DNAH9: variants seen among roughly 807,000 people sequenced by gnomAD.
DNAH9 encodes dynein axonemal heavy chain 9, also known as DNAH9 variant protein.
Under a neutral mutation model 471.6 loss-of-function variants are expected in DNAH9, and 345 were observed. The ratio of observed to expected loss-of-function variants is 0.73; its 90% CI spans 0.67 to 0.80. The LOEUF (loss-of-function observed/expected upper bound fraction) is 0.80, where lower values mean the gene tolerates loss of function less well. Ranked by LOEUF, DNAH9 falls within the 30% of genes least tolerant of loss-of-function variation. DNAH9 has a pLI of 0.00. For synonymous variants in DNAH9, 2,093 were observed against 2,123.6 expected, an observed-to-expected ratio of 0.99 and a Z score of 0.40; for missense variants, 5,407 against 5,609.2, an observed-to-expected ratio of 0.96 and a Z score of 1.15.
At chr17:11,599,662 A>G (rs901623260) in intron 1 of DNAH9, among the ~76,000 whole-genome samples, 2 of 152,064 alleles carry the variant, frequency 1.3e-5, no homozygotes, top group South Asian at 2.1e-4. Flanking sequence ...GATTTCAGGG[A>G]AGTGCTCCAG....
intron 66 of DNAH9, 96 bp from the exon 67 acceptor site, chr17:11,942,207 G>T: frequency 6.7e-7 from 1 of 1,488,228 alleles, no homozygotes; most frequent in East Asian, 2.3e-5. Flanking sequence ...AGCAGACGAT[G>T]GGTGATTGGC....
Position 11,759,932 on chromosome 17 carries a change from C to T in DNAH9, c.6995+2240C>T, listed in dbSNP as rs138394535. ...TGATCTCTTGACCTTGTGATGTGGCCGCCTCGGCCTCCCAAAGTGCTGGGA... is the reference window on the plus strand; with the variant it reads ...TGATCTCTTGACCTTGTGATGTGGCTGCCTCGGCCTCCCAAAGTGCTGGGA... On this transcript the variant is annotated intron_variant, in intron 35 of 68. Coordinates refer to ENST00000262442, the MANE Select transcript of DNAH9 (RefSeq NM_001372.4). Among the ~76,000 whole-genome samples the T allele has an allele frequency of 3.4e-3, 522 of 152,116 alleles. 2 individuals carry two copies. The highest frequency in any genetic ancestry group is 0.011 in the African/African-American group (476 of 41,468).
At chr17:11,968,625 T>C (rs1976935269) in intron 68 of DNAH9, among the ~76,000 whole-genome samples, 1 of 152,340 alleles carries the variant, frequency 6.6e-6, no homozygotes, top group African/African-American at 2.4e-5. Context: ...AAACGTCAAG[T>C]CCAGAATATG....
chr17:11,665,824 T>C (rs1597453209), intron 15 of DNAH9, among the ~76,000 whole-genome samples: 1 of 152,162 alleles, frequency 6.6e-6, no homozygotes, highest in Non-Finnish European at 1.5e-5. Context: ...TGAAATGAAA[T>C]ACTGATGTAA....
intron 60 of DNAH9, among the ~76,000 whole-genome samples, chr17:11,904,063 A>T (rs912820522): frequency 3.9e-5 from 6 of 152,210 alleles, no homozygotes; most frequent in Admixed American, 3.9e-4. Flanking sequence ...AGATGTTCCC[A>T]TTTGTGTGTC....
intron 27 of DNAH9, among the ~76,000 whole-genome samples, chr17:11,719,915 G>A (rs961312010): frequency 6.6e-6 from 1 of 152,080 alleles, no homozygotes; most frequent in Non-Finnish European, 1.5e-5. Context: ...TGACGTATTT[G>A]TGCTCTTCTG....
In DNAH9 at chr17:11,875,100, T is replaced by C. The variant is rs752639721; in HGVS notation, c.10394T>C (p.Met3465Thr). The change falls in exon 53 of 69, where the codon ATG becomes ACG. Residue 3465 changes from methionine (M) to threonine (T), a missense_variant. Around this residue, in one of 3 missense-constraint regions of DNAH9, gnomAD observed 4,636 missense variants for 4,900.3 expected, o/e 0.95. Transcript: ENST00000262442. ...ATCAACTGTGAGCGCTGGCCACTCA[T>C]GGTTGACCCTCAGCTACAAGGCATC... Reference protein sequence around the residue: ...ILINCERWPLMVDPQLQGIKW... With the variant: ...ILINCERWPLTVDPQLQGIKW... The C allele has an allele frequency of 5.0e-6, 8 of 1,614,072 alleles. No homozygotes were observed. In the African/African-American group the frequency reaches 1.1e-4, roughly 22 times the overall value.
chr17:11,916,654 G>A (rs1221813940), intron 61 of DNAH9, among the ~76,000 whole-genome samples: 1 of 152,198 alleles, frequency 6.6e-6, no homozygotes, highest in Non-Finnish European at 1.5e-5. Context: ...GTATCACACA[G>A]TTCACTGTCT....
At chr17:11,934,582 A>G (rs1463270561) in intron 65 of DNAH9, among the ~76,000 whole-genome samples, 1 of 151,222 alleles carries the variant, frequency 6.6e-6, no homozygotes, top group African/African-American at 2.4e-5. Flanking sequence ...AGTAGCTGGG[A>G]CTACAGGCGC....
At chr17:11,743,230 C>G (rs146604507) in intron 30 of DNAH9, among the ~76,000 whole-genome samples, 1 of 152,118 alleles carries the variant, frequency 6.6e-6, no homozygotes, top group Non-Finnish European at 1.5e-5. Context: ...TGGGAGTTAC[C>G]CTGGACCATT....
chr17:11,958,397 C>T (rs745580711), intron 67 of DNAH9, among the ~76,000 whole-genome samples: 3 of 152,048 alleles, frequency 2.0e-5, no homozygotes, highest in Non-Finnish European at 4.4e-5. Context: ...AATACTGTAA[C>T]GGTGGATACA....
intron 67 of DNAH9, 39 bp downstream of exon 67, chr17:11,942,524 A>G (rs555161011): frequency 6.3e-7 from 1 of 1,584,708 alleles, no homozygotes; most frequent in Admixed American, 1.7e-5. Context: ...GGACATTGCT[A>G]GAGGACACAG....
intron 62 of DNAH9, among the ~76,000 whole-genome samples, chr17:11,928,816 A>C (rs577021797): frequency 1.8e-4 from 28 of 152,304 alleles, no homozygotes. Flanking sequence ...TTCAAATGTT[A>C]ACGTATGTAC....
intron 28 of DNAH9, among the ~76,000 whole-genome samples, chr17:11,735,095 G>A (rs567853505): frequency 3.2e-4 from 48 of 152,350 alleles, no homozygotes; most frequent in African/African-American, 6.5e-4. Context: ...GACACGTGGT[G>A]TGGGATGGAG....
chr17:11,875,162 G>A lies in DNAH9; in HGVS notation c.10456G>A (p.Val3486Ile). The A allele has an allele frequency of 6.2e-7, 1 of 1,613,690 alleles. No homozygotes were observed. The highest frequency in any genetic ancestry group is 8.5e-7 in the Non-Finnish European group (1 of 1,179,910). The change falls in exon 53 of 69, where the codon GTC becomes ATC. Residue 3486 changes from valine to isoleucine, a missense_variant. Coordinates refer to ENST00000262442, the MANE Select transcript of DNAH9 (RefSeq NM_001372.4). ...IKNKYGEDLR[V>I]TQIGQKGYLQ... ...GAATAAATATGGTGAAGATCTCCGG[G>A]TCACGCAGATTGGTCAGAAAGGGTA... is the stretch of plus-strand genomic sequence containing the variant.
chr17:11,634,331 C>G (rs375267148), intron 8 of DNAH9, among the ~76,000 whole-genome samples: 18 of 152,292 alleles, frequency 1.2e-4, no homozygotes, highest in African/African-American at 4.1e-4. Context: ...GACATAAGCT[C>G]ATGCAGAGAA....
rs2072814645 is a variant in DNAH9, at chr17:11,619,724, GTCT to G, written c.1298_1300del (p.Ser433del). 3.1e-6 allele frequency: 5 copies of G among 1,614,156 alleles called. No homozygotes were observed. The highest frequency in any genetic ancestry group is 2.7e-5 in the African/African-American group (2 of 75,050). On this transcript the variant is annotated inframe_deletion, in exon 6 of 69. Transcript: ENST00000262442. ...AGGAAGTCAAGGAATGGGATTTCCA[GTCT>G]TCTTTGGTCTTTGTGCGATTGGATG...
At chr17:11,888,757 T>C (rs1397921897) in intron 57 of DNAH9, among the ~76,000 whole-genome samples, 1 of 152,192 alleles carries the variant, frequency 6.6e-6, no homozygotes, top group African/African-American at 2.4e-5. Flanking sequence ...TTAGAAGCCT[T>C]CTCTGTTTTG....
chr17:11,731,673 G>C (rs1351645688), intron 28 of DNAH9, among the ~76,000 whole-genome samples: 1 of 151,516 alleles, frequency 6.6e-6, no homozygotes, highest in Non-Finnish European at 1.5e-5. Context: ...CCTTGTGATA[G>C]TTTGCTGAGA....
Sources: allele counts gnomAD v4.1 joint callset (sites outside exome capture counted in the v4.1 genomes callset), GRCh38; gene constraint gnomAD v4.1.1; regional missense constraint gnomAD v4.1.1; transcripts MANE v1.5; gene names NCBI Gene and HGNC (gene_info 2026-07-23, HGNC 2026-07-21).